Variants in SPEF2 observed in about 807,000 individuals in gnomAD.
SPEF2 encodes sperm flagellar and cilia associated 2.
A neutral mutation model predicts 224.6 loss-of-function variants in SPEF2; 187 were observed. The observed-to-expected ratio is 0.83, with a 90% CI of 0.74 to 0.94. SPEF2 has a LOEUF of 0.94. SPEF2 is among the 40% of genes least tolerant of loss of function. SPEF2 has a pLI of 0.00. For synonymous variants in SPEF2, 715 were observed against 707.3 expected, an observed-to-expected ratio of 1.01 and a Z score of -0.17; for missense variants, 2,170 against 2,135.6, an observed-to-expected ratio of 1.02 and a Z score of -0.32.
At chr5:35,784,123 C>T (rs1227039510) in intron 30 of SPEF2, among the ~76,000 whole-genome samples, 5 of 151,088 alleles carry the variant, frequency 3.3e-5, no homozygotes, top group African/African-American at 1.2e-4. Context: ...TTTTGGAGAC[C>T]GATAGATTTT....
chr5:35,704,553 G>C lies in SPEF2; in HGVS notation c.2399-1G>C. 6.3e-7 allele frequency: 1 copy of C among 1,596,350 alleles called. No homozygotes were observed. Among genetic ancestry groups the C allele is most frequent in the East Asian group, 2.2e-5 (1 of 44,638 alleles). On this transcript the variant is annotated splice_acceptor_variant, in intron 16 of 36. Coordinates refer to ENST00000356031, the MANE Select transcript of SPEF2 (RefSeq NM_024867.4). LOFTEE classifies it high-confidence loss of function. ...CTAATTAAATAAATTTTATACCATA[G>C]CTGAAGAATTGTCCTATAAAACTGC...
intron 36 of SPEF2, among the ~76,000 whole-genome samples, chr5:35,811,236 A>G (rs1425718189): frequency 2.0e-5 from 3 of 152,118 alleles, no homozygotes; most frequent in African/African-American, 7.2e-5. Flanking sequence ...TCACATTTTT[A>G]TAATACACTT....
At chr5:35,619,751 A>G (rs1393368056) in intron 1 of SPEF2, among the ~76,000 whole-genome samples, 1 of 152,212 alleles carries the variant, frequency 6.6e-6, no homozygotes, top group Non-Finnish European at 1.5e-5. Flanking sequence ...ACTCTATTGC[A>G]ACATTTTGAA....
At chr5:35,755,243 A>T (rs1750261033) in intron 24 of SPEF2, among the ~76,000 whole-genome samples, 1 of 152,272 alleles carries the variant, frequency 6.6e-6, no homozygotes, top group Admixed American at 6.5e-5. Context: ...TTAAAGTGAG[A>T]TGCCTAAGCA....
intron 8 of SPEF2, among the ~76,000 whole-genome samples, chr5:35,659,594 T>C (rs2149449559): frequency 6.6e-6 from 1 of 152,280 alleles, no homozygotes; most frequent in South Asian, 2.1e-4. Flanking sequence ...GATTGTAAGT[T>C]TGGCTGTATA....
At chr5:35,793,083 T>C in intron 31 of SPEF2, 76 bp from the exon 32 acceptor site, 1 of 1,345,092 alleles carries the variant, frequency 7.4e-7, no homozygotes, top group Non-Finnish European at 1.0e-6. Flanking sequence ...AAACTCTCAC[T>C]ATGAAAATAT....
intron 24 of SPEF2, among the ~76,000 whole-genome samples, chr5:35,758,371 A>G (rs1750742821): frequency 6.6e-6 from 1 of 152,196 alleles, no homozygotes; most frequent in Non-Finnish European, 1.5e-5. Flanking sequence ...AACATAGAGA[A>G]GCACAGATAT....
At chr5:35,784,875 C>T (rs956377246) in intron 30 of SPEF2, among the ~76,000 whole-genome samples, 1 of 152,098 alleles carries the variant, frequency 6.6e-6, no homozygotes, top group Non-Finnish European at 1.5e-5. Flanking sequence ...GAGTGGCAGG[C>T]ACTGTCAGTC....
At chr5:35,793,431 C>A in intron 32 of SPEF2, 90 bp downstream of exon 32, 1 of 1,319,838 alleles carries the variant, frequency 7.6e-7, no homozygotes, top group Non-Finnish European at 1.0e-6. Flanking sequence ...TGACAGGTCT[C>A]AGGCCAGTGC....
At chr5:35,679,091 A>G (rs950184480) in intron 10 of SPEF2, among the ~76,000 whole-genome samples, 1 of 152,218 alleles carries the variant, frequency 6.6e-6, no homozygotes, top group Non-Finnish European at 1.5e-5. Flanking sequence ...TTTCCCATGG[A>G]GTATGGCTTC....
chr5:35,684,884 T>C (rs1172794719), intron 10 of SPEF2, among the ~76,000 whole-genome samples: 4 of 152,234 alleles, frequency 2.6e-5, no homozygotes, highest in Non-Finnish European at 4.4e-5. Context: ...ACCTTTTTTA[T>C]TGTAAAATTA....
At position 35,644,408 on chromosome 5, in the gene SPEF2, A is replaced by C; in HGVS notation, c.468A>C (p.Thr156=). ...CTGATTTCAATCTGATGCGGATTAC[A>C]TACAGGTTTCAAGAAAAATATAAAC... ...RQTDFNLMRI[T]YRFQEKYKHV... is the part of the protein sequence containing the mutation. Residue 156 remains threonine (T), a synonymous_variant, in exon 4 of 37, where the codon ACA becomes ACC. Transcript: ENST00000356031. The C allele has an allele frequency of 2.5e-6, 4 of 1,610,562 alleles. No individual in the cohort carries two copies. Among genetic ancestry groups the C allele is most frequent in the Non-Finnish European group, 2.5e-6 (3 of 1,178,366 alleles).
chr5:35,727,905 C>CTGAAGGCCTT (rs1174225465), intron 21 of SPEF2, 82 bp downstream of exon 21: 3 of 1,458,014 alleles, frequency 2.1e-6, no homozygotes, highest in Non-Finnish European at 2.8e-6. Context: ...TTGCAACATC[C>CTGAAGGCCTT]TGAAGGCCTT....
chr5:35,805,206 T>C (rs1757910954), intron 34 of SPEF2, among the ~76,000 whole-genome samples: 1 of 152,108 alleles, frequency 6.6e-6, no homozygotes, highest in Admixed American at 6.6e-5. Context: ...TCTTTTTTTC[T>C]CTCTTTCTTT....
intron 20 of SPEF2, among the ~76,000 whole-genome samples, chr5:35,722,205 T>C (rs1221975845): frequency 1.3e-5 from 2 of 152,100 alleles, no homozygotes; most frequent in Non-Finnish European, 2.9e-5. Flanking sequence ...TAAAACCCTT[T>C]GGCTGGGGAA....
chr5:35,812,601 A>G (rs867420259), intron 36 of SPEF2, among the ~76,000 whole-genome samples: 1 of 152,216 alleles, frequency 6.6e-6, no homozygotes, highest in Admixed American at 6.5e-5. Context: ...TAAAAACTTA[A>G]TAACTTTAGT....
chr5:35,710,731 C>T, intron 19 of SPEF2: 2 of 939,568 alleles, frequency 2.1e-6, no homozygotes, highest in Non-Finnish European at 2.5e-6. Context: ...TGAAACCAGA[C>T]TCTAGTGTTT....
At position 35,740,056 on chromosome 5, in the gene SPEF2, G is replaced by A. The variant is rs764294847; in HGVS notation, c.3191+10G>A. 35 of 1,614,086 alleles carry A rather than the reference G, an allele frequency of 2.2e-5. No homozygotes were observed. Among genetic ancestry groups the A allele is most frequent in the Middle Eastern group, 1.7e-4 (1 of 6,060 alleles). On this transcript the variant is annotated intron_variant, in intron 22 of 36. Transcript: ENST00000356031. ...ACTTATATGAGATTAGGTAAGTAAT[G>A]TTTCCAAAGTCAGAATTTTACAGTT... is the stretch of plus-strand genomic sequence containing the variant.
At chr5:35,802,864 G>A (rs548069347) in intron 34 of SPEF2, among the ~76,000 whole-genome samples, 7 of 152,176 alleles carry the variant, frequency 4.6e-5, no homozygotes, top group Non-Finnish European at 7.3e-5. Flanking sequence ...AGGATGAGAA[G>A]TCATTGGAAG....
Sources: gnomAD v4.1 joint callset for allele counts (sites outside exome capture counted in the v4.1 genomes callset) on GRCh38, gnomAD v4.1.1 for gene constraint, MANE v1.5 for transcripts, NCBI Gene and HGNC (gene_info 2026-07-23, HGNC 2026-07-21) for gene names.